The following ETNK2 variants were observed in gnomAD, a reference collection of about 807,000 sequenced individuals.
ETNK2 encodes ethanolamine kinase 2, also known as ethanolamine kinase-like protein.
ETNK2 carries 33 observed loss-of-function variants against 46.2 expected under a neutral mutation model. The ratio of observed to expected loss-of-function variants is 0.71; its 90% CI spans 0.54 to 0.96. The LOEUF is 0.96. Ranked by LOEUF, ETNK2 falls within the 40% of genes least tolerant of loss-of-function variation. ETNK2 has a pLI of 0.00. For synonymous variants in ETNK2, 194 were observed against 209.0 expected (o/e 0.93, Z 0.62); for missense variants, 445 against 509.7 (o/e 0.87, Z 1.22).
At chr1:204,145,364 T>C (rs766190284) in intron 3 of ETNK2, among the ~76,000 whole-genome samples, 2 of 152,246 alleles carry the variant, frequency 1.3e-5, no homozygotes, top group Non-Finnish European at 2.9e-5. Flanking sequence ...CTGGCTCTAG[T>C]TGCTAAGCTG....
chr1:204,144,103 A>G (rs1489295729), intron 3 of ETNK2, among the ~76,000 whole-genome samples: 1 of 151,900 alleles, frequency 6.6e-6, no homozygotes, highest in African/African-American at 2.4e-5. Flanking sequence ...CCAGCACTTT[A>G]AGAGGCTGTG....
Position 204,151,570 on chromosome 1 carries a change from C to T in ETNK2, c.258+25G>A. 1.3e-6 allele frequency: 2 copies of T among 1,548,522 alleles called. No individual in the cohort carries two copies. The highest frequency in any genetic ancestry group is 1.7e-6 in the Non-Finnish European group (2 of 1,146,054). ...CTGGCAGCCCTGGCAGGACCCCATC[C>T]TCGGCCCCGCGCCCACTCCGCTACC... On this transcript the variant is annotated intron_variant, in intron 1 of 7. Coordinates refer to ENST00000367202, the MANE Select transcript of ETNK2 (RefSeq NM_018208.4). This position sits in a 1 kb window ranked among gnomAD's most constrained non-coding sequence, Gnocchi z 8.0.
intron 2 of ETNK2, among the ~76,000 whole-genome samples, chr1:204,147,276 G>A (rs1657826121): frequency 6.6e-6 from 1 of 152,218 alleles, no homozygotes; most frequent in Non-Finnish European, 1.5e-5. Flanking sequence ...AGGGAAACAG[G>A]CTGGCCCAGG....
In ETNK2 at chr1:204,141,307, A is replaced by G. The variant is rs769075813; in HGVS notation, c.784+8T>C. On this transcript the variant is annotated splice_region_variant and intron_variant, in intron 4 of 7. Transcript: ENST00000367202. ...CCTGCTGCTGCCCCAGGGCCAGAGA[A>G]GCCATACCTTTGATGCTGTCATAGA... The G allele has an allele frequency of 3.7e-6, 6 of 1,614,056 alleles. No homozygotes were observed. The highest frequency in any genetic ancestry group is 3.3e-5 in the South Asian group (3 of 91,076).
chr1:204,142,730 A>T (rs190682534), intron 3 of ETNK2: 40 of 152,224 alleles, frequency 2.6e-4, no homozygotes, highest in African/African-American at 7.5e-4. Flanking sequence ...TCACTCCCTC[A>T]CCCAGCCCAG....
At chr1:204,133,072 A>G (rs1394601577) in intron 7 of ETNK2, among the ~76,000 whole-genome samples, 4 of 152,152 alleles carry the variant, frequency 2.6e-5, no homozygotes, top group African/African-American at 4.8e-5. Context: ...TCCACGTTGT[A>G]GCAAGTGACA....
At chr1:204,146,013 G>C (rs1341718451) in intron 3 of ETNK2, among the ~76,000 whole-genome samples, 1 of 152,186 alleles carries the variant, frequency 6.6e-6, no homozygotes, top group Non-Finnish European at 1.5e-5. Context: ...GCAATGTCAG[G>C]ATGGGTGGTC....
intron 2 of ETNK2, chr1:204,147,324 G>A (rs45528645): frequency 0.14 from 61,707 of 434,988 alleles, 5,258 homozygotes; most frequent in East Asian, 0.27. Context: ...TGATGCTGGC[G>A]GCTGGGTGCC....
rs574964789 is a variant in ETNK2, at chr1:204,132,164, G to C, written c.*20C>G. On this transcript the variant is annotated 3_prime_UTR_variant, in exon 8 of 8. Coordinates refer to ENST00000367202, the MANE Select transcript of ETNK2 (RefSeq NM_018208.4). The stretch of plus-strand genomic sequence containing the variant: ...CAGGTCTGGCCAGACAGATGGGTAG[G>C]GGAGGGATGGGGTGGCTGGTCACTT... 25 of 1,555,966 alleles carry C rather than the reference G, an allele frequency of 1.6e-5. No individual in the cohort carries two copies. Among genetic ancestry groups the C allele is most frequent in the Admixed American group, 1.1e-4 (6 of 52,220 alleles).
At chr1:204,139,944 C>T in intron 5 of ETNK2, 91 bp downstream of exon 5, 1 of 1,021,364 alleles carries the variant, frequency 9.8e-7, no homozygotes, top group Admixed American at 1.7e-5. Flanking sequence ...CGTAAATATA[C>T]AGTAATCTCA....
chr1:204,135,670 TA>T (rs1423787865), intron 6 of ETNK2, among the ~76,000 whole-genome samples: 1 of 152,148 alleles, frequency 6.6e-6, no homozygotes, highest in Non-Finnish European at 1.5e-5. Flanking sequence ...GAATGATCAC[TA>T]AAAAACTTAG....
Position 204,149,969 on chromosome 1 carries a change from T to C in ETNK2, c.259-7A>G. On this transcript the variant is annotated splice_polypyrimidine_tract_variant and splice_region_variant and intron_variant, in intron 1 of 7. Coordinates refer to ENST00000367202, the MANE Select transcript of ETNK2 (RefSeq NM_018208.4). ...TGATGCCATCCGTGAAGCGCTAGCA[T>C]GGGGAGAGGACAGTGCGTGGGTGGG... is the stretch of plus-strand genomic sequence containing the variant. The C allele has an allele frequency of 1.7e-6, 1 of 573,666 alleles. No homozygotes were observed. 35.5% of individuals were successfully genotyped at this position (573,666 alleles called of 1,614,324 possible).
In ETNK2 at chr1:204,149,848, C is replaced by T; in HGVS notation, c.373G>A (p.Glu125Lys). The T allele has an allele frequency of 1.2e-6, 2 of 1,603,110 alleles. No individual in the cohort carries two copies. Among genetic ancestry groups the T allele is most frequent in the African/African-American group, 2.7e-5 (2 of 74,830 alleles). Residue 125 changes from glutamate to lysine, a missense_variant, in exon 2 of 8, where the codon GAG (glutamate) becomes AAG (lysine). Physicochemically the swap from Glu to Lys is moderately conservative, Grantham distance 56. Coordinates refer to ENST00000367202, the MANE Select transcript of ETNK2 (RefSeq NM_018208.4). ...AGCTGGAAGTTTCTGACCTCATTCT[C>T]CCGGTCCACCAGCAGCTCCGTCCGC... Reference protein sequence around the residue: ...GERTELLVDRENEVRNFQLLR... With the variant: ...GERTELLVDRKNEVRNFQLLR...
chr1:204,133,555 G>A (rs1216721247), intron 7 of ETNK2, among the ~76,000 whole-genome samples: 8 of 129,552 alleles, frequency 6.2e-5, no homozygotes, highest in South Asian at 2.3e-4. Context: ...TTTTTGAGAC[G>A]GAGTCTCGCT....
intron 7 of ETNK2, among the ~76,000 whole-genome samples, chr1:204,132,727 C>T (rs1571605175): frequency 1.3e-5 from 2 of 151,016 alleles, no homozygotes; most frequent in East Asian, 3.9e-4. Flanking sequence ...GCCACCGTGC[C>T]CAGCCTATTT....
chr1:204,150,000 G>A (rs1421143492), intron 1 of ETNK2, 38 bp from the exon 2 acceptor site: 2 of 426,928 alleles, frequency 4.7e-6, no homozygotes, highest in Non-Finnish European at 9.7e-6. Flanking sequence ...GTGGGTGGGT[G>A]GGGCAGGATC....
In ETNK2 at chr1:204,132,273, A is replaced by AGGAAGC; in HGVS notation, c.1089-23_1089-18dup. 1 of 1,561,210 alleles carries AGGAAGC rather than the reference A, an allele frequency of 6.4e-7. No individual in the cohort carries two copies. Among genetic ancestry groups the AGGAAGC allele is most frequent in the Non-Finnish European group, 8.7e-7 (1 of 1,151,968 alleles). ...ACTGCGTACCTGTGGGGAAGACAGAAGGAAGCTGGGTGTGAGGAAGAAAGC... is the reference window on the plus strand; with the variant it reads ...ACTGCGTACCTGTGGGGAAGACAGAAGGAAGCGGAAGCTGGGTGTGAGGAAGAAAGC... On this transcript the variant is annotated splice_polypyrimidine_tract_variant and intron_variant, in intron 7 of 7. Coordinates refer to ENST00000367202, the MANE Select transcript of ETNK2 (RefSeq NM_018208.4).
Position 204,151,525 on chromosome 1 carries a change from G to A in ETNK2, c.258+70C>T. ...GGACTGACACCCGGAAGGATGCGAGGACTGGGTCCCCGCATCCCCCTGGCA... is the reference window on the plus strand; with the variant it reads ...GGACTGACACCCGGAAGGATGCGAGAACTGGGTCCCCGCATCCCCCTGGCA... On this transcript the variant is annotated intron_variant, in intron 1 of 7. Coordinates refer to ENST00000367202, the MANE Select transcript of ETNK2 (RefSeq NM_018208.4). This position sits in a 1 kb window ranked among gnomAD's most constrained non-coding sequence, Gnocchi z 8.0. The A allele has an allele frequency of 1.3e-6, 2 of 1,537,410 alleles. No homozygotes were observed. The highest frequency in any genetic ancestry group is 2.4e-5 in the South Asian group (2 of 82,872).
In ETNK2 at chr1:204,137,181, G is replaced by C. The variant is rs1321176806; in HGVS notation, c.937C>G (p.Leu313Val). ...ETQLQWLHYYLQAQKGMAVTP... is the reference protein window; with the variant it reads ...ETQLQWLHYYVQAQKGMAVTP... The stretch of plus-strand genomic sequence containing the variant: ...ACGGCCATCCCCTTTTGTGCCTGCA[G>C]GTAGTAGTGCAGCCACTGCAGCTGG... The change falls in exon 6 of 8, where the codon CTG becomes GTG. Residue 313 changes from leucine to valine, a missense_variant. Leu to Val is a conservative substitution (Grantham distance 32). Transcript: ENST00000367202. The C allele has an allele frequency of 6.2e-7, 1 of 1,613,992 alleles. No individual in the cohort carries two copies. The highest frequency in any genetic ancestry group is 1.7e-5 in the Admixed American group (1 of 60,028).
Sources: allele counts gnomAD v4.1 joint callset (sites outside exome capture counted in the v4.1 genomes callset), GRCh38; gene constraint gnomAD v4.1.1; non-coding constraint Gnocchi (gnomAD v3.1); transcripts MANE v1.5; gene names NCBI Gene and HGNC (gene_info 2026-07-23, HGNC 2026-07-21).